The following B3GALT1 variants were observed in gnomAD, a reference collection of about 807,000 sequenced individuals.
B3GALT1 encodes beta-1,3-galactosyltransferase 1.
Under a neutral mutation model 23.2 loss-of-function variants are expected in B3GALT1, and 10 were observed. The observed-to-expected ratio is 0.43, with a 90% CI of 0.27 to 0.73. The LOEUF (loss-of-function observed/expected upper bound fraction) is 0.73. B3GALT1 is among the 30% of genes least tolerant of loss of function. The pLI, the probability that B3GALT1 is intolerant of heterozygous loss-of-function variation, is 0.21. For missense variants in B3GALT1, 299 were observed against 405.4 expected, an observed-to-expected ratio of 0.74 and a Z score of 2.25; for synonymous variants, 156 against 141.5, an observed-to-expected ratio of 1.10 and a Z score of -0.73.
At chr2:167,379,343 T>A (rs956989884) in intron 1 of B3GALT1, among the ~76,000 whole-genome samples, 1 of 152,144 alleles carries the variant, frequency 6.6e-6, no homozygotes, top group African/African-American at 2.4e-5. Flanking sequence ...GGATTACAAT[T>A]CAAGATGAGA....
intron 1 of B3GALT1, among the ~76,000 whole-genome samples, chr2:167,410,028 A>G (rs1435650553): frequency 6.6e-6 from 1 of 152,222 alleles, no homozygotes; most frequent in Non-Finnish European, 1.5e-5. Context: ...GAACCATCCC[A>G]AATGCCCATC....
chr2:167,803,074 C>G (rs1372766489), intron 3 of B3GALT1, among the ~76,000 whole-genome samples: 1 of 114,684 alleles, frequency 8.7e-6, no homozygotes, highest in East Asian at 3.7e-4. Flanking sequence ...TTCATTTGAC[C>G]CTAACAAACA....
chr2:167,589,300 A>G (rs554781425), intron 2 of B3GALT1, among the ~76,000 whole-genome samples: 8 of 151,974 alleles, frequency 5.3e-5, no homozygotes, highest in African/African-American at 7.3e-5. Flanking sequence ...TTTTCTTTTT[A>G]TGTTTTTGAC....
At chr2:167,548,689 T>TGTGTGTGTGTGTGTGAGA (rs1254481237) in intron 2 of B3GALT1, among the ~76,000 whole-genome samples, 31 of 129,890 alleles carry the variant, frequency 2.4e-4, no homozygotes, top group African/African-American at 1.2e-3. Flanking sequence ...TGTGTGAGTG[T>TGTGTGTGTGTGTGTGAGA]GTGTGTGTGT....
intron 3 of B3GALT1, among the ~76,000 whole-genome samples, chr2:167,812,422 C>A (rs1688907793): frequency 1.3e-5 from 2 of 152,146 alleles, no homozygotes; most frequent in South Asian, 4.1e-4. Flanking sequence ...AGGATCTATC[C>A]CATTGTTCTG....
intron 2 of B3GALT1, among the ~76,000 whole-genome samples, chr2:167,585,956 G>A (rs1405051348): frequency 6.6e-6 from 1 of 152,190 alleles, no homozygotes; most frequent in Non-Finnish European, 1.5e-5. Context: ...AAACAAAACT[G>A]ATCTATGATG....
intron 2 of B3GALT1, among the ~76,000 whole-genome samples, chr2:167,577,543 GAATT>G: frequency 6.6e-6 from 1 of 151,892 alleles, no homozygotes; most frequent in South Asian, 2.1e-4. Flanking sequence ...TGCTTTCAAT[GAATT>G]AATCCAGATG....
intron 4 of B3GALT1, among the ~76,000 whole-genome samples, chr2:167,844,690 A>G (rs1308445945): frequency 1.3e-5 from 2 of 152,224 alleles, no homozygotes; most frequent in African/African-American, 2.4e-5. Context: ...CTCCACAGAA[A>G]GAAAGAAATC....
At chr2:167,415,986 A>C (rs1222873758) in intron 1 of B3GALT1, among the ~76,000 whole-genome samples, 1 of 152,234 alleles carries the variant, frequency 6.6e-6, no homozygotes, top group Non-Finnish European at 1.5e-5. Context: ...GATGGAATTT[A>C]TAATGAAAAG....
intron 1 of B3GALT1, among the ~76,000 whole-genome samples, chr2:167,331,281 G>C (rs922171250): frequency 6.6e-6 from 1 of 152,148 alleles, no homozygotes; most frequent in Non-Finnish European, 1.5e-5. Flanking sequence ...GCATATTGCT[G>C]GTGATGATGC....
At chr2:167,517,804 T>C (rs919399391) in intron 2 of B3GALT1, among the ~76,000 whole-genome samples, 1 of 152,122 alleles carries the variant, frequency 6.6e-6, no homozygotes, top group Non-Finnish European at 1.5e-5. Flanking sequence ...AATACAGTGC[T>C]GGAGTTGTAT....
At chr2:167,439,545 T>C (rs1698844249) in intron 1 of B3GALT1, among the ~76,000 whole-genome samples, 1 of 151,928 alleles carries the variant, frequency 6.6e-6, no homozygotes, top group Admixed American at 6.5e-5. Flanking sequence ...CTTATTTCTC[T>C]TTTTTATTTT....
chr2:167,397,130 T>C (rs998072169), intron 1 of B3GALT1, among the ~76,000 whole-genome samples: 1 of 152,076 alleles, frequency 6.6e-6, no homozygotes, highest in African/African-American at 2.4e-5. Context: ...ATATTTCTTA[T>C]ATACTCTTAG....
chr2:167,398,511 G>T (rs1698134940), intron 1 of B3GALT1, among the ~76,000 whole-genome samples: 1 of 152,036 alleles, frequency 6.6e-6, no homozygotes, highest in South Asian at 2.1e-4. Context: ...TGTGCCAGGT[G>T]TAAATCTTAC....
At position 167,352,150 on chromosome 2, in the gene B3GALT1, G is replaced by A. The variant is rs548147302; in HGVS notation, c.-511+58816G>A. The stretch of plus-strand genomic sequence containing the variant: ...AATTTTTTTTTTTTTTTGTATTTTC[G>A]TAGAGAAGGGGTTTCCCCATGTTGG... On this transcript the variant is annotated intron_variant, in intron 1 of 4. Transcript: ENST00000392690. Among the ~76,000 whole-genome samples the A allele has an allele frequency of 2.2e-3, 311 of 143,840 alleles. 3 individuals are homozygous for A. The highest frequency in any genetic ancestry group is 7.3e-3 in the Middle Eastern group (2 of 274). 94.4% of individuals were successfully genotyped at this position (143,840 alleles called of 152,430 possible). A position where few individuals can be genotyped will look rare whatever the true frequency, so the allele number is the denominator to read the frequency against.
intron 2 of B3GALT1, among the ~76,000 whole-genome samples, chr2:167,566,445 T>C (rs1684169088): frequency 6.6e-6 from 1 of 151,826 alleles, no homozygotes; most frequent in Admixed American, 6.6e-5. Context: ...GACACATGTA[T>C]ACATATGTAA....
intron 2 of B3GALT1, among the ~76,000 whole-genome samples, chr2:167,605,260 T>C (rs1684943529): frequency 6.6e-6 from 1 of 152,238 alleles, no homozygotes; most frequent in African/African-American, 2.4e-5. Context: ...ATAATTTTGC[T>C]GTGTAACAAA....
chr2:167,370,674 T>C (rs991748904), intron 1 of B3GALT1, among the ~76,000 whole-genome samples: 4 of 152,188 alleles, frequency 2.6e-5, no homozygotes, highest in Non-Finnish European at 4.4e-5. Flanking sequence ...TCTGTCTCCA[T>C]GGTGTTTATT....
chr2:167,509,266 C>T (rs1699968296), intron 2 of B3GALT1, among the ~76,000 whole-genome samples: 1 of 152,094 alleles, frequency 6.6e-6, no homozygotes, highest in Non-Finnish European at 1.5e-5. Flanking sequence ...ACAAAATTGA[C>T]CCTCATGCAT....
Sources: gnomAD v4.1 joint callset for allele counts (sites outside exome capture counted in the v4.1 genomes callset) on GRCh38, gnomAD v4.1.1 for gene constraint, MANE v1.5 for transcripts, NCBI Gene and HGNC (gene_info 2026-07-23, HGNC 2026-07-21) for gene names.